Variants in ANKRD30BL observed in about 807,000 individuals in gnomAD.
ANKRD30BL encodes the protein putative ankyrin repeat domain-containing protein 30B-like.
In ANKRD30BL, 20 loss-of-function variants were observed where a neutral mutation model predicts 18.4. The observed-to-expected ratio is 1.09, with a 90% CI of 0.77 to 1.58. ANKRD30BL has a LOEUF of 1.58. ANKRD30BL is among the 40% of genes most tolerant of loss of function. The probability of loss-of-function intolerance (pLI) is 0.00; values close to 1 mark genes in which losing one functional copy is unlikely to be tolerated. For synonymous variants in ANKRD30BL, 72 were observed against 100.9 expected, an observed-to-expected ratio of 0.71 and a Z score of 1.72; for missense variants, 224 against 268.6, an observed-to-expected ratio of 0.83 and a Z score of 1.16.
chr2:132,153,478 T>C (rs568342731), intron 4 of ANKRD30BL: 9 of 455,940 alleles, frequency 2.0e-5, no homozygotes, highest in South Asian at 1.5e-4. Flanking sequence ...GCTGATGAAG[T>C]GAACTAACTC....
At chr2:132,256,830 C>CG in intron 1 of ANKRD30BL, 1 of 374,888 alleles carries the variant, frequency 2.7e-6, no homozygotes, top group South Asian at 1.9e-5. Flanking sequence ...TGGTCCCAGA[C>CG]GGGGCCACCA....
At chr2:132,205,464 G>GT (rs1246297208) in intron 1 of ANKRD30BL, among the ~76,000 whole-genome samples, 3 of 151,626 alleles carry the variant, frequency 2.0e-5, no homozygotes, top group Non-Finnish European at 4.4e-5. Context: ...AGCTGGGCAT[G>GT]GTGGCACATG....
chr2:132,197,571 TA>T (rs1029365411), intron 1 of ANKRD30BL, among the ~76,000 whole-genome samples: 4 of 151,286 alleles, frequency 2.6e-5, no homozygotes, highest in East Asian at 1.9e-4. Flanking sequence ...TCTGGCTTAG[TA>T]AAAAAAAATT....
chr2:132,234,652 C>T (rs868621337), intron 1 of ANKRD30BL, among the ~76,000 whole-genome samples: 2 of 152,150 alleles, frequency 1.3e-5, no homozygotes, highest in Non-Finnish European at 1.5e-5. Context: ...AGTTGAATCT[C>T]GGAATAGACC....
intron 1 of ANKRD30BL, among the ~76,000 whole-genome samples, chr2:132,204,920 C>A (rs1199886798): frequency 6.7e-6 from 1 of 149,936 alleles, no homozygotes; most frequent in African/African-American, 2.5e-5. Context: ...TTGAAACCTA[C>A]AGGAAAATAT....
At chr2:132,222,199 C>T (rs1163743754) in intron 1 of ANKRD30BL, among the ~76,000 whole-genome samples, 1 of 146,308 alleles carries the variant, frequency 6.8e-6, no homozygotes, top group African/African-American at 2.5e-5. Context: ...GCCGCCCCGT[C>T]CGGGAGGGTG....
intron 1 of ANKRD30BL, among the ~76,000 whole-genome samples, chr2:132,223,332 C>T (rs13397576): frequency 0.039 from 5,887 of 152,070 alleles, 394 homozygotes; most frequent in African/African-American, 0.13. Context: ...GTGATGTGTG[C>T]CTTCAACTCA....
chr2:132,249,701 C>A (rs1680600994), intron 1 of ANKRD30BL, among the ~76,000 whole-genome samples: 1 of 152,050 alleles, frequency 6.6e-6, no homozygotes, highest in African/African-American at 2.4e-5. Context: ...GCCGATTCTA[C>A]AAAAATACTG....
chr2:132,170,897 C>A (rs1688266205), intron 1 of ANKRD30BL, among the ~76,000 whole-genome samples: 1 of 152,146 alleles, frequency 6.6e-6, no homozygotes, highest in African/African-American at 2.4e-5. Flanking sequence ...TGGCTCACGC[C>A]TGTAAGCCCA....
chr2:132,225,751 G>T (rs75022678), intron 1 of ANKRD30BL, among the ~76,000 whole-genome samples: 24 of 152,014 alleles, frequency 1.6e-4, no homozygotes, highest in African/African-American at 5.1e-4. Flanking sequence ...TTTTGATAGA[G>T]CAGGTTTCAA....
intron 1 of ANKRD30BL, among the ~76,000 whole-genome samples, chr2:132,237,244 G>A (rs940446755): frequency 6.6e-6 from 1 of 152,022 alleles, no homozygotes; most frequent in Non-Finnish European, 1.5e-5. Context: ...CCTGCACAAT[G>A]TGCACATGAA....
At chr2:132,245,249 C>T (rs371873367) in intron 1 of ANKRD30BL, among the ~76,000 whole-genome samples, 2 of 152,394 alleles carry the variant, frequency 1.3e-5, no homozygotes, top group African/African-American at 2.4e-5. Context: ...ACTTTGAGGC[C>T]TTTGCTGTAA....
intron 1 of ANKRD30BL, among the ~76,000 whole-genome samples, chr2:132,247,349 C>T (rs1210808774): frequency 2.6e-5 from 4 of 151,606 alleles, no homozygotes; most frequent in Non-Finnish European, 5.9e-5. Flanking sequence ...GAAGCATTCT[C>T]AGAAACTTCT....
intron 1 of ANKRD30BL, among the ~76,000 whole-genome samples, chr2:132,198,532 C>T (rs1385545058): frequency 4.0e-5 from 6 of 151,502 alleles, no homozygotes; most frequent in African/African-American, 1.2e-4. Context: ...ACTGTGTTAG[C>T]TAGGATGGTC....
At position 132,161,909 on chromosome 2, in the gene ANKRD30BL, T is replaced by A; in HGVS notation, c.-204A>T. ...CCGTTAGGCAGCTGAGCAGAACCGT[T>A]AGGCACCTGAGCAGAACCTTTAGGC... On this transcript the variant is annotated 5_prime_UTR_variant, in exon 1 of 6. Transcript: ENST00000409867. The A allele has an allele frequency of 1.8e-6, 1 of 570,420 alleles. No individual in the cohort carries two copies. Among genetic ancestry groups the A allele is most frequent in the Non-Finnish European group, 3.2e-6 (1 of 317,146 alleles). The allele number at this position is 570,420 out of a possible 1,614,324, so 35.3% of individuals were successfully genotyped here. A position where few individuals can be genotyped will look rare whatever the true frequency, so the allele number is the denominator to read the frequency against.
intron 1 of ANKRD30BL, among the ~76,000 whole-genome samples, chr2:132,202,253 G>A (rs961099551): frequency 8.5e-5 from 13 of 152,052 alleles, no homozygotes; most frequent in Middle Eastern, 3.4e-3. Context: ...TAACTAACCT[G>A]CACATTGTGC....
At chr2:132,177,058 CCTTAAA>C (rs1479238548) in intron 1 of ANKRD30BL, among the ~76,000 whole-genome samples, 5 of 152,122 alleles carry the variant, frequency 3.3e-5, no homozygotes, top group Admixed American at 3.3e-4. Flanking sequence ...CTTGCCAAAA[CCTTAAA>C]CTTAAACCCA....
chr2:132,216,853 A>T (rs113039614), intron 1 of ANKRD30BL, among the ~76,000 whole-genome samples: 2 of 151,862 alleles, frequency 1.3e-5, no homozygotes, highest in Non-Finnish European at 2.9e-5. Flanking sequence ...GTTTTGAAAC[A>T]CTCTTCTTGT....
At chr2:132,246,602 A>G (rs1327040739) in intron 1 of ANKRD30BL, among the ~76,000 whole-genome samples, 1 of 151,916 alleles carries the variant, frequency 6.6e-6, no homozygotes, top group African/African-American at 2.4e-5. Flanking sequence ...GGATATTTGG[A>G]CAGCTTTGAG....
Sources: allele counts gnomAD v4.1 joint callset (sites outside exome capture counted in the v4.1 genomes callset), GRCh38; gene constraint gnomAD v4.1.1; transcripts MANE v1.5; gene names NCBI Gene and HGNC (gene_info 2026-07-23, HGNC 2026-07-21).